CCDC171: variants seen among roughly 807,000 people sequenced by gnomAD.
The protein encoded by CCDC171 is coiled-coil domain-containing protein 171.
Under a neutral mutation model 168.2 loss-of-function variants are expected in CCDC171, and 177 were observed. That is an observed-to-expected ratio of 1.05 (90% CI 0.93 to 1.19). The LOEUF (loss-of-function observed/expected upper bound fraction) is 1.19. Among genes scored for constraint, CCDC171 ranks in the 50% most tolerant of loss-of-function variants. The probability of loss-of-function intolerance (pLI) is 0.00; values close to 1 mark genes in which losing one functional copy is unlikely to be tolerated. For synonymous variants in CCDC171, 687 were observed against 540.8 expected (o/e 1.27, Z -3.75); for missense variants, 1,991 against 1,539.0 (o/e 1.29, Z -4.91).
At chr9:15,744,845 C>T in intron 17 of CCDC171, 68 bp downstream of exon 17, 1 of 1,443,346 alleles carries the variant, frequency 6.9e-7, no homozygotes, top group South Asian at 1.4e-5. Context: ...CTATACCTGG[C>T]TATTATGGAA....
intron 6 of CCDC171, among the ~76,000 whole-genome samples, chr9:15,613,658 G>T (rs2043873521): frequency 1.3e-5 from 2 of 151,930 alleles, no homozygotes; most frequent in Admixed American, 1.3e-4. Flanking sequence ...AAGTAGCTGG[G>T]ATTACAGGCA....
intron 7 of CCDC171, among the ~76,000 whole-genome samples, chr9:15,626,008 T>C (rs1420519219): frequency 1.3e-5 from 2 of 152,204 alleles, no homozygotes; most frequent in Non-Finnish European, 2.9e-5. Flanking sequence ...CAGTGGTTTG[T>C]AGTTCTCCTT....
At chr9:16,006,553 GT>G (rs1832701366) in intron 3 of CCDC171, among the ~76,000 whole-genome samples, 1 of 151,944 alleles carries the variant, frequency 6.6e-6, no homozygotes, top group African/African-American at 2.4e-5. Context: ...TTAGCATTAG[GT>G]ATCTCTCCTA....
intron 8 of CCDC171, among the ~76,000 whole-genome samples, chr9:15,663,598 CTTT>C (rs1364131390): frequency 9.8e-6 from 1 of 101,600 alleles, no homozygotes. Flanking sequence ...AGAGAATTTT[CTTT>C]TTTTTTCTTT....
chr9:15,915,435 A>G (rs1298945913), intron 24 of CCDC171, among the ~76,000 whole-genome samples: 3 of 151,890 alleles, frequency 2.0e-5, no homozygotes, highest in African/African-American at 4.8e-5. Context: ...TTATGGGTGT[A>G]TGGAAATGCT....
Position 15,825,849 on chromosome 9 carries a change from G to A in CCDC171, c.3268-20853G>A, listed in dbSNP as rs149470476. Among the ~76,000 whole-genome samples the A allele has an allele frequency of 1.5e-4, 23 of 152,246 alleles. No individual in the cohort carries two copies. The East Asian group carries it at 4.4e-3, about 29-fold the overall frequency. On this transcript the variant is annotated intron_variant, in intron 21 of 25. Coordinates refer to ENST00000380701, the MANE Select transcript of CCDC171 (RefSeq NM_173550.4). ...AGTTGAAGTTCAGTTCAGTATTGGT[G>A]GTAGAGGGGCACCAAAATGTGGTAG...
At chr9:16,068,546 C>G in the CCDC171 span, among the ~76,000 whole-genome samples, 1 of 152,184 alleles carries the variant, frequency 6.6e-6, no homozygotes, top group Non-Finnish European at 1.5e-5. Flanking sequence ...TCAGTTCAAA[C>G]TCTGGCTCCA....
chr9:16,021,456 A>G (rs1833161248), intron 4 of CCDC171, among the ~76,000 whole-genome samples: 1 of 152,236 alleles, frequency 6.6e-6, no homozygotes, highest in Admixed American at 6.5e-5. Flanking sequence ...TTTTACATAA[A>G]TAAGTTCAGG....
At position 15,846,787 on chromosome 9, in the gene CCDC171, A is replaced by G; in HGVS notation, c.3353A>G (p.Asp1118Gly). The part of the protein sequence containing the change: ...LNRHLTQLEQ[D>G]KRRLEENIHD... ...AGACATCTTACCCAGCTGGAGCAGG[A>G]CAAGCGTCGACTGGAGGAGAACATC... is the stretch of plus-strand genomic sequence containing the variant. Residue 1118 changes from aspartate (D) to glycine (G), a missense_variant, in exon 22 of 26, where the codon GAC (aspartate) becomes GGC (glycine). Asp to Gly is a moderately conservative substitution (Grantham distance 94, BLOSUM62 -1). Transcript: ENST00000380701. The G allele has an allele frequency of 1.2e-6, 2 of 1,612,076 alleles. No homozygotes were observed. The highest frequency in any genetic ancestry group is 1.7e-6 in the Non-Finnish European group (2 of 1,179,006).
At chr9:16,038,834 CAG>C (rs1833520510), upstream of CCDC171, among the ~76,000 whole-genome samples, 1 of 20,984 alleles carries the variant, frequency 4.8e-5, no homozygotes. Flanking sequence ...AGAACAAAAA[CAG>C]AAAAAAAAAT....
At chr9:15,704,385 C>G (rs991427521) in intron 11 of CCDC171, among the ~76,000 whole-genome samples, 2 of 152,114 alleles carry the variant, frequency 1.3e-5, no homozygotes, top group Non-Finnish European at 2.9e-5. Flanking sequence ...ATAATTAATT[C>G]TGTTATCTTG....
At chr9:16,018,714 A>T (rs1204521245) in intron 3 of CCDC171, among the ~76,000 whole-genome samples, 1 of 152,234 alleles carries the variant, frequency 6.6e-6, no homozygotes, top group East Asian at 1.9e-4. Context: ...GGCCCTGTCA[A>T]TTCCCTTAAT....
chr9:16,040,766 G>A (rs1470041718), upstream of CCDC171, among the ~76,000 whole-genome samples: 2 of 152,202 alleles, frequency 1.3e-5, no homozygotes, highest in African/African-American at 4.8e-5. Context: ...TGGAGTAACA[G>A]TCTTAGCCAA....
At chr9:16,068,625 G>C in the CCDC171 span, among the ~76,000 whole-genome samples, 3 of 152,214 alleles carry the variant, frequency 2.0e-5, no homozygotes, top group Non-Finnish European at 4.4e-5. Context: ...TCATGATGGT[G>C]CCTTCCTCAG....
intron 18 of CCDC171, among the ~76,000 whole-genome samples, chr9:15,776,584 T>C (rs2135373936): frequency 6.6e-6 from 1 of 152,330 alleles, no homozygotes; most frequent in South Asian, 2.1e-4. Flanking sequence ...AAAATTTGTC[T>C]GTCCTTTAAA....
At chr9:15,616,408 C>G (rs771913699) in intron 6 of CCDC171, among the ~76,000 whole-genome samples, 1 of 151,920 alleles carries the variant, frequency 6.6e-6, no homozygotes, top group South Asian at 2.1e-4. Flanking sequence ...ATAAATAAAT[C>G]TCATGAGACT....
chr9:15,688,082 G>A (rs2133610932), intron 10 of CCDC171, among the ~76,000 whole-genome samples: 1 of 140,434 alleles, frequency 7.1e-6, no homozygotes, highest in Admixed American at 7.6e-5. Flanking sequence ...TGGCGCCATT[G>A]CACTCCAGCC....
intron 20 of CCDC171, among the ~76,000 whole-genome samples, chr9:15,780,814 A>G (rs977691365): frequency 2.6e-5 from 4 of 152,232 alleles, no homozygotes; most frequent in African/African-American, 9.6e-5. Flanking sequence ...CTAGTGTGTC[A>G]TATGAATGTA....
intron 7 of CCDC171, among the ~76,000 whole-genome samples, chr9:15,638,467 A>T (rs2046361983): frequency 6.6e-6 from 1 of 152,048 alleles, no homozygotes; most frequent in African/African-American, 2.4e-5. Context: ...TTAAGGTAAG[A>T]TGGGATAATA....
Sources: allele counts gnomAD v4.1 joint callset (sites outside exome capture counted in the v4.1 genomes callset), GRCh38; gene constraint gnomAD v4.1.1; transcripts MANE v1.5; gene names NCBI Gene and HGNC (gene_info 2026-07-23, HGNC 2026-07-21).